TAFA5: variants seen among roughly 807,000 people sequenced by gnomAD.
The protein encoded by TAFA5 is chemokine-like protein TAFA-5.
Under a neutral mutation model 15.3 loss-of-function variants are expected in TAFA5, and 6 were observed. The observed-to-expected ratio is 0.39, with a 90% CI of 0.21 to 0.77. The LOEUF is 0.77. Among genes scored for constraint, TAFA5 ranks in the 30% least tolerant of loss-of-function variants. The pLI is 0.41. For synonymous variants in TAFA5, 103 were observed against 80.7 expected (o/e 1.28, Z -1.48); for missense variants, 161 against 193.1 (o/e 0.83, Z 0.98).
chr22:48,559,607 G>A (rs963454594), intron 1 of TAFA5, among the ~76,000 whole-genome samples: 20 of 152,108 alleles, frequency 1.3e-4, no homozygotes, highest in African/African-American at 4.1e-4. Flanking sequence ...GTCACCGAGA[G>A]GGCTTTTCTG....
chr22:48,683,091 T>G (rs940719873), intron 2 of TAFA5, among the ~76,000 whole-genome samples: 29 of 152,252 alleles, frequency 1.9e-4, no homozygotes, highest in Admixed American at 1.6e-3. Context: ...CTTATTTAAT[T>G]CTACTTAAGT....
chr22:48,502,380 C>T (rs995046327), intron 1 of TAFA5, among the ~76,000 whole-genome samples: 2 of 150,176 alleles, frequency 1.3e-5, no homozygotes, highest in Non-Finnish European at 2.9e-5. Context: ...GCCTGGGGCC[C>T]GATGCCTTGG....
Position 48,655,830 on chromosome 22 carries a change from C to CTTTTTTTTTTTT in TAFA5, c.262+9100_262+9111dup, listed in dbSNP as rs1197219539. The stretch of plus-strand genomic sequence containing the variant: ...GGCTTCCTGAAGCCAAACACTGATT[C>CTTTTTTTTTTTT]TTTTTTTTTTTTTTTTTTTTTTTTT... On this transcript the variant is annotated intron_variant, in intron 2 of 3. Coordinates refer to ENST00000402357, the MANE Select transcript of TAFA5 (RefSeq NM_001082967.3). Among the ~76,000 whole-genome samples, 28 of 62,398 alleles carry CTTTTTTTTTTTT rather than the reference C, an allele frequency of 4.5e-4. 3 individuals are homozygous for CTTTTTTTTTTTT. Among genetic ancestry groups the CTTTTTTTTTTTT allele is most frequent in the Admixed American group, 7.4e-4 (4 of 5,408 alleles). 40.9% of individuals were successfully genotyped at this position (62,398 alleles called of 152,430 possible). A position where few individuals can be genotyped will look rare whatever the true frequency, so the allele number is the denominator to read the frequency against.
chr22:48,680,775 C>T (rs1263215059), intron 2 of TAFA5, among the ~76,000 whole-genome samples: 2 of 152,244 alleles, frequency 1.3e-5, no homozygotes, highest in African/African-American at 4.8e-5. Context: ...CCACTGCAGC[C>T]GCCTTGGGAG....
intron 1 of TAFA5, among the ~76,000 whole-genome samples, chr22:48,507,363 G>A (rs1426603772): frequency 1.3e-5 from 2 of 152,232 alleles, no homozygotes; most frequent in Non-Finnish European, 1.5e-5. Flanking sequence ...GGCTTGTTGG[G>A]AGGGCATGAG....
At chr22:48,719,999 G>A (rs1431599343) in intron 3 of TAFA5, among the ~76,000 whole-genome samples, 3 of 152,136 alleles carry the variant, frequency 2.0e-5, no homozygotes, top group Non-Finnish European at 1.5e-5. Context: ...CACGCTGGGC[G>A]CCATTTACAG....
At chr22:48,748,160 G>A (rs907055654) in intron 3 of TAFA5, among the ~76,000 whole-genome samples, 5 of 152,202 alleles carry the variant, frequency 3.3e-5, no homozygotes, top group Non-Finnish European at 5.9e-5. Flanking sequence ...TCAGGTGCCC[G>A]CAGGTGAAGC....
intron 2 of TAFA5, among the ~76,000 whole-genome samples, chr22:48,676,379 T>C (rs963772260): frequency 6.6e-6 from 1 of 152,082 alleles, no homozygotes; most frequent in Non-Finnish European, 1.5e-5. Flanking sequence ...CAGACATGCC[T>C]CTTAGGGTGT....
intron 1 of TAFA5, among the ~76,000 whole-genome samples, chr22:48,581,250 G>A (rs1002717649): frequency 2.6e-5 from 4 of 152,178 alleles, no homozygotes; most frequent in Admixed American, 6.5e-5. Context: ...AGCCTTGCTG[G>A]GCACAGGAGT....
At chr22:48,724,059 G>A (rs1028842313) in intron 3 of TAFA5, among the ~76,000 whole-genome samples, 39 of 152,236 alleles carry the variant, frequency 2.6e-4, no homozygotes, top group African/African-American at 8.2e-4. Flanking sequence ...TGCTGCAGCA[G>A]GAGAGACTCG....
At chr22:48,671,741 A>T (rs1927810981) in intron 2 of TAFA5, among the ~76,000 whole-genome samples, 1 of 152,310 alleles carries the variant, frequency 6.6e-6, no homozygotes, top group East Asian at 1.9e-4. Context: ...CCCCTCTCTG[A>T]AAACAGCTCC....
intron 2 of TAFA5, among the ~76,000 whole-genome samples, chr22:48,649,257 G>A (rs1926972052): frequency 6.6e-6 from 1 of 152,214 alleles, no homozygotes; most frequent in African/African-American, 2.4e-5. Flanking sequence ...TGGGCCAGGT[G>A]GCCTTCCAGC....
intron 1 of TAFA5, among the ~76,000 whole-genome samples, chr22:48,597,723 T>G (rs370780841): frequency 6.6e-6 from 1 of 152,258 alleles, no homozygotes; most frequent in African/African-American, 2.4e-5. Context: ...CCCTTCATTG[T>G]CATCCTTTCA....
At chr22:48,564,529 G>A (rs1923345799) in intron 1 of TAFA5, among the ~76,000 whole-genome samples, 1 of 152,200 alleles carries the variant, frequency 6.6e-6, no homozygotes, top group Non-Finnish European at 1.5e-5. Flanking sequence ...CTTCTGGATG[G>A]CCAGTCAGCC....
rs1923423470 is a variant in TAFA5, at chr22:48,566,829, C to G, written c.112+77125C>G. ...GAAGCATTTTTCAAAGCCCTGGGTC[C>G]ATGCAGCCCTTGTGGTTCTGCAGCT... is the stretch of plus-strand genomic sequence containing the variant. On this transcript the variant is annotated intron_variant, in intron 1 of 3. Transcript: ENST00000402357. This position sits in a 1 kb window ranked among gnomAD's most constrained non-coding sequence, Gnocchi z 4.5. Among the ~76,000 whole-genome samples the G allele has an allele frequency of 6.6e-6, 1 of 152,188 alleles. No homozygotes were observed. The highest frequency in any genetic ancestry group is 2.1e-4 in the South Asian group (1 of 4,830).
At chr22:48,644,573 A>G (rs886916935) in intron 1 of TAFA5, among the ~76,000 whole-genome samples, 11 of 152,294 alleles carry the variant, frequency 7.2e-5, no homozygotes, top group African/African-American at 2.6e-4. Flanking sequence ...TGTTGGGATG[A>G]GAGAGCTGGG....
intron 1 of TAFA5, among the ~76,000 whole-genome samples, chr22:48,579,647 C>G (rs996083336): frequency 1.3e-5 from 2 of 152,260 alleles, no homozygotes; most frequent in Non-Finnish European, 2.9e-5. Context: ...TTCCACCTCC[C>G]TCTTCCAAAG....
chr22:48,535,543 C>T (rs1262236817), intron 1 of TAFA5, among the ~76,000 whole-genome samples: 1 of 146,798 alleles, frequency 6.8e-6, no homozygotes, highest in Non-Finnish European at 1.5e-5. Flanking sequence ...GCACTCGTGC[C>T]TTTGTGTGCG....
intron 1 of TAFA5, among the ~76,000 whole-genome samples, chr22:48,540,217 A>C (rs778210051): frequency 6.6e-6 from 1 of 151,860 alleles, no homozygotes; most frequent in Non-Finnish European, 1.5e-5. Flanking sequence ...GGTGTGTTTG[A>C]ATTCATTTCC....
Sources: gnomAD v4.1 joint callset for allele counts (sites outside exome capture counted in the v4.1 genomes callset) on GRCh38, gnomAD v4.1.1 for gene constraint, Gnocchi (gnomAD v3.1) non-coding constraint, MANE v1.5 for transcripts, NCBI Gene and HGNC (gene_info 2026-07-23, HGNC 2026-07-21) for gene names.